The following ZNF135 variants were observed in gnomAD, a reference collection of about 807,000 sequenced individuals.
The protein encoded by ZNF135 is zinc finger protein 135 (clone pHZ-17).
ZNF135 carries 11 observed loss-of-function variants against 12.3 expected under a neutral mutation model. That is an observed-to-expected ratio of 0.89 (90% confidence interval 0.56 to 1.48). The LOEUF (loss-of-function observed/expected upper bound fraction) is 1.48. ZNF135 is among the 40% of genes most tolerant of loss of function. The probability of loss-of-function intolerance (pLI) is 0.00; values close to 1 mark genes in which losing one functional copy is unlikely to be tolerated. For synonymous variants in ZNF135, 316 were observed against 312.0 expected (o/e 1.01, Z -0.14); for missense variants, 722 against 815.7 (o/e 0.89, Z 1.40).
chr19:58,060,234 C>T lies in ZNF135; in HGVS notation c.33+199C>T. Reference sequence around the variant, plus strand: ...CGCACAACTGGCCTCTACTCGCGCACCTGGCCTCTACTGGTGCCCGGCCTC... The same window carrying T: ...CGCACAACTGGCCTCTACTCGCGCATCTGGCCTCTACTGGTGCCCGGCCTC... On this transcript the variant is annotated intron_variant, in intron 2 of 4. Coordinates refer to ENST00000313434, the MANE Select transcript of ZNF135 (RefSeq NM_001289401.2). This position sits in a 1 kb window ranked among gnomAD's most constrained non-coding sequence, Gnocchi z 4.9. 1 of 1,429,696 alleles carries T rather than the reference C, an allele frequency of 7.0e-7. No individual in the cohort carries two copies. The highest frequency in any genetic ancestry group is 9.2e-7 in the Non-Finnish European group (1 of 1,082,634). The allele number at this position is 1,429,696 out of a possible 1,614,324, so 88.6% of individuals were successfully genotyped here.
rs1414290231 is a variant in ZNF135 at position 58,066,955 on chromosome 19, G to C, written c.471G>C (p.Leu157=). The change falls in exon 5 of 5, where the codon CTG becomes CTC. Residue 157 remains leucine, a synonymous_variant. Transcript: ENST00000313434. ...TCACGCCTGTGAAGACGCCTGTTCTGGAGCAGTGGCAGAGGAATGGGTTTG... is the reference window on the plus strand; with the variant it reads ...TCACGCCTGTGAAGACGCCTGTTCTCGAGCAGTGGCAGAGGAATGGGTTTG... The part of the protein sequence containing the change: ...VAFTPVKTPV[L]EQWQRNGFGE... 6.2e-7 allele frequency: 1 copy of C among 1,614,194 alleles called. No individual in the cohort carries two copies. Among genetic ancestry groups the C allele is most frequent in the Non-Finnish European group, 8.5e-7 (1 of 1,180,036 alleles).
At position 58,063,875 on chromosome 19, in the gene ZNF135, G is replaced by A. The variant is rs1192807391; in HGVS notation, c.256+334G>A. Among the ~76,000 whole-genome samples, 1 of 152,178 alleles carries A rather than the reference G, an allele frequency of 6.6e-6. No homozygotes were observed. The highest frequency in any genetic ancestry group is 2.4e-5 in the African/African-American group (1 of 41,448). On this transcript the variant is annotated intron_variant, in intron 4 of 4. Coordinates refer to ENST00000313434, the MANE Select transcript of ZNF135 (RefSeq NM_001289401.2). The surrounding 1 kb of genome is among the most constrained non-coding windows in gnomAD (Gnocchi z 4.4). ...GGGGATGAGTAGACTTTAGCAGAGA[G>A]ATGAGGGATAGCCTCTCCAAGGAGG...
Position 58,060,471 on chromosome 19 carries a change from T to G in ZNF135, c.33+436T>G, listed in dbSNP as rs1599920093. On this transcript the variant is annotated intron_variant, in intron 2 of 4. Transcript: ENST00000313434. This position sits in a 1 kb window ranked among gnomAD's most constrained non-coding sequence, Gnocchi z 4.9. ...CCGTCATTGCATACCTGAGGCTGGG[T>G]GATGTCAGAAAATTGTAGGTGCCCC... 1 of 1,056,616 alleles carries G rather than the reference T, an allele frequency of 9.5e-7. No homozygotes were observed. The allele number at this position is 1,056,616 out of a possible 1,614,324, so 65.5% of individuals were successfully genotyped here.
chr19:58,064,976 ATACACAGAT>A (rs2074042266), intron 4 of ZNF135, among the ~76,000 whole-genome samples: 1 of 152,224 alleles, frequency 6.6e-6, no homozygotes, highest in Non-Finnish European at 1.5e-5. Flanking sequence ...GTCAAAGGCT[ATACACAGAT>A]TTTCGATTGT....
chr19:58,059,289 C>A lies in ZNF135; in HGVS notation c.-56C>A, dbSNP rs749318527. On this transcript the variant is annotated 5_prime_UTR_variant, in exon 1 of 5. Coordinates refer to ENST00000313434, the MANE Select transcript of ZNF135 (RefSeq NM_001289401.2). The surrounding 1 kb of genome is among the most constrained non-coding windows in gnomAD (Gnocchi z 6.5). Reference sequence around the variant, plus strand: ...GCAGTGTCGGCTGCCGGTGCCGCGGCCTTTGTCTCGCAGTCAGGAGGGTGA... The same window carrying A: ...GCAGTGTCGGCTGCCGGTGCCGCGGACTTTGTCTCGCAGTCAGGAGGGTGA... 2.6e-6 allele frequency: 4 copies of A among 1,535,242 alleles called. No individual in the cohort carries two copies. The highest frequency in any genetic ancestry group is 2.2e-5 in the South Asian group (2 of 89,100).
chr19:58,060,781 T>A lies in ZNF135; in HGVS notation c.33+746T>A, dbSNP rs1466285542. ...GCTGCAGTGAGCCATGATGTGCCAC[T>A]GCACTCCAGCCTGAATGACAGTGGA... On this transcript the variant is annotated intron_variant, in intron 2 of 4. Transcript: ENST00000313434. The surrounding 1 kb of genome is among the most constrained non-coding windows in gnomAD (Gnocchi z 4.9). Among the ~76,000 whole-genome samples, 1 of 152,126 alleles carries A rather than the reference T, an allele frequency of 6.6e-6. No individual in the cohort carries two copies. Among genetic ancestry groups the A allele is most frequent in the African/African-American group, 2.4e-5 (1 of 41,426 alleles).
chr19:58,059,890 G>T lies in ZNF135; in HGVS notation c.-34-79G>T, dbSNP rs2073938100. 6 of 1,554,008 alleles carry T rather than the reference G, an allele frequency of 3.9e-6. No homozygotes were observed. Among genetic ancestry groups the T allele is most frequent in the Admixed American group, 1.7e-5 (1 of 57,578 alleles). On this transcript the variant is annotated intron_variant, in intron 1 of 4. Coordinates refer to ENST00000313434, the MANE Select transcript of ZNF135 (RefSeq NM_001289401.2). The surrounding 1 kb of genome is among the most constrained non-coding windows in gnomAD (Gnocchi z 6.5). The stretch of plus-strand genomic sequence containing the variant: ...GACGGCTCTCCGCGGAGCTCCCCAG[G>T]CTCTGGCGCAGTTCCCCGGCTTGGG...
At position 58,067,350 on chromosome 19, in the gene ZNF135, A is replaced by G; in HGVS notation, c.866A>G (p.Gln289Arg). The G allele has an allele frequency of 6.2e-7, 1 of 1,614,206 alleles. No individual in the cohort carries two copies. Among genetic ancestry groups the G allele is most frequent in the South Asian group, 1.1e-5 (1 of 91,086 alleles). The change falls in exon 5 of 5, where the codon CAG becomes CGG. Residue 289 changes from glutamine to arginine, a missense_variant. Gln to Arg is a conservative substitution (Grantham distance 43). Transcript: ENST00000313434. ...CAAATTGCCCCACTGATCCAGCACCAGAGAACTCACACAGGTGAGAAGCCC... is the reference window on the plus strand; with the variant it reads ...CAAATTGCCCCACTGATCCAGCACCGGAGAACTCACACAGGTGAGAAGCCC... ...FNQIAPLIQH[Q>R]RTHTGEKPYE...
chr19:58,068,488 A>C lies in ZNF135; in HGVS notation c.*27A>C. 6.2e-7 allele frequency: 1 copy of C among 1,605,026 alleles called. No individual in the cohort carries two copies. ...CCCACTCCACATGTGCTGGGGACAT[A>C]GGAAGACCTTAAGCCATAGCTCATC... On this transcript the variant is annotated 3_prime_UTR_variant, in exon 5 of 5. Coordinates refer to ENST00000313434, the MANE Select transcript of ZNF135 (RefSeq NM_001289401.2).
At position 58,063,524 on chromosome 19, in the gene ZNF135, C is replaced by T; in HGVS notation, c.239C>T (p.Pro80Leu). 6.2e-7 allele frequency: 1 copy of T among 1,614,068 alleles called. No individual in the cohort carries two copies. The highest frequency in any genetic ancestry group is 8.5e-7 in the Non-Finnish European group (1 of 1,179,982). ...CTGTGGGCGGTGGAGTCTAGACTTC[C>T]CCAAGGCGTGTACCCAGGTGAGATG... ...AELWAVESRL[P>L]QGVYPDLETR... Residue 80 changes from proline to leucine, a missense_variant, in exon 4 of 5, where the codon CCC becomes CTC. Pro to Leu is a moderately conservative substitution (Grantham distance 98). Transcript: ENST00000313434. The surrounding 1 kb of genome is among the most constrained non-coding windows in gnomAD (Gnocchi z 4.4).
Position 58,063,510 on chromosome 19 carries a change from G to A in ZNF135, c.225G>A (p.Val75=), listed in dbSNP as rs761703991. 7 of 1,614,028 alleles carry A rather than the reference G, an allele frequency of 4.3e-6. No homozygotes were observed. The highest frequency in any genetic ancestry group is 5.1e-6 in the Non-Finnish European group (6 of 1,180,018). Residue 75 remains valine (V), a synonymous_variant, in exon 4 of 5, where the codon GTG becomes GTA. Transcript: ENST00000313434. The surrounding 1 kb of genome is among the most constrained non-coding windows in gnomAD (Gnocchi z 4.4). Reference sequence around the variant, plus strand: ...AGCAAGAGGCAGAGCTGTGGGCGGTGGAGTCTAGACTTCCCCAAGGCGTGT... The same window carrying A: ...AGCAAGAGGCAGAGCTGTGGGCGGTAGAGTCTAGACTTCCCCAAGGCGTGT... The part of the protein sequence containing the change: ...LLEQEAELWA[V]ESRLPQGVYP...
Position 58,067,205 on chromosome 19 carries a change from C to G in ZNF135, c.721C>G (p.Pro241Ala). 6.2e-7 allele frequency: 1 copy of G among 1,614,080 alleles called. No homozygotes were observed. The highest frequency in any genetic ancestry group is 8.5e-7 in the Non-Finnish European group (1 of 1,179,946). Residue 241 changes from proline (P) to alanine (A), a missense_variant, in exon 5 of 5, where the codon CCT becomes GCT. Transcript: ENST00000313434. ...EHHRTHTGER[P>A]YECHECLKGF... is the part of the protein sequence containing the mutation. ...CCACCGGACGCACACAGGAGAGAGA[C>G]CTTACGAATGTCACGAATGCTTAAA...
In ZNF135 at chr19:58,067,283, G is replaced by C; in HGVS notation, c.799G>C (p.Glu267Gln). 1 of 1,614,188 alleles carries C rather than the reference G, an allele frequency of 6.2e-7. No individual in the cohort carries two copies. The highest frequency in any genetic ancestry group is 2.2e-5 in the East Asian group (1 of 44,884). Reference sequence around the variant, plus strand: ...CAAACACCAGAGAATCCATACTGGGGAGAAACCCTATAAATGCACTCAGTG... The same window carrying C: ...CAAACACCAGAGAATCCATACTGGGCAGAAACCCTATAAATGCACTCAGTG... ...LTKHQRIHTGEKPYKCTQCGR... is the reference protein window; with the variant it reads ...LTKHQRIHTGQKPYKCTQCGR... The change falls in exon 5 of 5, where the codon GAG (glutamate) becomes CAG (glutamine). Residue 267 changes from glutamate to glutamine, a missense_variant. Coordinates refer to ENST00000313434, the MANE Select transcript of ZNF135 (RefSeq NM_001289401.2).
At position 58,063,432 on chromosome 19, in the gene ZNF135, C is replaced by T. The variant is rs531203528; in HGVS notation, c.161-14C>T. 1.4e-5 allele frequency: 23 copies of T among 1,613,854 alleles called. No individual in the cohort carries two copies. The South Asian group carries it at 2.4e-4, about 17-fold the overall frequency. On this transcript the variant is annotated splice_polypyrimidine_tract_variant and intron_variant, in intron 3 of 4. Transcript: ENST00000313434. The surrounding 1 kb of genome is among the most constrained non-coding windows in gnomAD (Gnocchi z 4.4). ...GGATACAAATGCTCACTCTATGGGT[C>T]TCTCCCTGAGCAGGACATTGGTTAC...
At position 58,061,609 on chromosome 19, in the gene ZNF135, G is replaced by A. The variant is rs766248989; in HGVS notation, c.63G>A (p.Val21=). 1 of 1,613,430 alleles carries A rather than the reference G, an allele frequency of 6.2e-7. No homozygotes were observed. Among genetic ancestry groups the A allele is most frequent in the Non-Finnish European group, 8.5e-7 (1 of 1,179,764 alleles). ...AAGTGACGTTTGAGGACGTGGTAGT[G>A]GGCTTCAGCCAGGAGGAGTGGGGGC... is the stretch of plus-strand genomic sequence containing the variant. The part of the protein sequence containing the change: ...PEQVTFEDVV[V]GFSQEEWGQL... The change falls in exon 3 of 5, where the codon GTG becomes GTA. Residue 21 remains valine (V), a synonymous_variant. Coordinates refer to ENST00000313434, the MANE Select transcript of ZNF135 (RefSeq NM_001289401.2).
chr19:58,062,484 A>G (rs1401795355), intron 3 of ZNF135, among the ~76,000 whole-genome samples: 1 of 151,780 alleles, frequency 6.6e-6, no homozygotes, highest in Non-Finnish European at 1.5e-5. Context: ...CCGGGTTCAC[A>G]CCATTCTCCT....
At chr19:58,061,442 C>A in intron 2 of ZNF135, 138 bp from the exon 3 acceptor site, 2 of 1,035,678 alleles carry the variant, frequency 1.9e-6, no homozygotes, top group Non-Finnish European at 2.7e-6. Flanking sequence ...CCCATCCAGG[C>A]CCCACAGAAA....
rs1568615694 is a variant in ZNF135 at position 58,067,070 on chromosome 19, AG to A, written c.589del (p.Glu197ArgfsTer5). ...SPHTWGTRGK[R>X]EKPDLNVLQK... ...CCACACATGGGGAACACGTGGAAAA[AG>A]GGAGAAGCCAGACCTAAATGTTTTA... On this transcript the variant is annotated frameshift_variant, in exon 5 of 5. Coordinates refer to ENST00000313434, the MANE Select transcript of ZNF135 (RefSeq NM_001289401.2). LOFTEE classifies it low-confidence loss of function (END_TRUNC). 1 of 1,614,166 alleles carries A rather than the reference AG, an allele frequency of 6.2e-7. No homozygotes were observed. The highest frequency in any genetic ancestry group is 1.1e-5 in the South Asian group (1 of 91,080).
chr19:58,068,118 C>T lies in ZNF135; in HGVS notation c.1634C>T (p.Thr545Ile). Reference protein sequence around the residue: ...APLIQHQRIHTGEKPYECNQC... With the variant: ...APLIQHQRIHIGEKPYECNQC... ...CTCATTCAGCATCAGAGGATCCACA[C>T]AGGAGAGAAACCCTATGAATGTAAC... Residue 545 changes from threonine (T) to isoleucine (I), a missense_variant, in exon 5 of 5, where the codon ACA (threonine) becomes ATA (isoleucine). Thr to Ile is a moderately conservative substitution (Grantham distance 89). Coordinates refer to ENST00000313434, the MANE Select transcript of ZNF135 (RefSeq NM_001289401.2). The T allele has an allele frequency of 3.7e-6, 6 of 1,614,216 alleles. No homozygotes were observed. Among genetic ancestry groups the T allele is most frequent in the Non-Finnish European group, 5.1e-6 (6 of 1,180,048 alleles).
Sources: allele counts gnomAD v4.1 joint callset (sites outside exome capture counted in the v4.1 genomes callset), GRCh38; gene constraint gnomAD v4.1.1; non-coding constraint Gnocchi (gnomAD v3.1); transcripts MANE v1.5; gene names NCBI Gene and HGNC (gene_info 2026-07-23, HGNC 2026-07-21).